ASIC2: variants seen among roughly 807,000 people sequenced by gnomAD.
The protein encoded by ASIC2 is acid-sensing ion channel 2.
Under a neutral mutation model 57.3 loss-of-function variants are expected in ASIC2, and 25 were observed. The observed-to-expected ratio is 0.44, with a 90% CI of 0.32 to 0.61. The LOEUF is 0.61. Ranked by LOEUF, ASIC2 falls within the 20% of genes least tolerant of loss-of-function variation. The probability of loss-of-function intolerance (pLI) is 0.06; values close to 1 mark genes in which losing one functional copy is unlikely to be tolerated. For synonymous variants in ASIC2, 319 were observed against 307.5 expected (o/e 1.04, Z -0.39); for missense variants, 641 against 738.1 (o/e 0.87, Z 1.52).
intron 1 of ASIC2, among the ~76,000 whole-genome samples, chr17:34,031,535 A>C (rs1907611552): frequency 6.6e-6 from 1 of 152,224 alleles, no homozygotes; most frequent in African/African-American, 2.4e-5. Flanking sequence ...GAGTTGAGAG[A>C]AGAAGGCTTC....
At chr17:33,283,322 C>T (rs931643891) in intron 1 of ASIC2, among the ~76,000 whole-genome samples, 5 of 151,340 alleles carry the variant, frequency 3.3e-5, no homozygotes, top group African/African-American at 9.8e-5. Flanking sequence ...TCTCTCAAAG[C>T]GAGTGTGGTT....
rs1358152199 is a variant in ASIC2 at position 33,883,029 on chromosome 17, T to C, written c.555+272949A>G. ...CAAGGACAAAAAATGAAACACCACA[T>C]GTTCTCACTCATAGGTGGGAACTGA... On this transcript the variant is annotated intron_variant, in intron 1 of 9. Transcript: ENST00000359872. 2.0e-5 allele frequency among the ~76,000 whole-genome samples: 3 copies of C among 152,070 alleles called. No individual in the cohort carries two copies. In the East Asian group the frequency reaches 5.8e-4, roughly 29 times the overall value.
intron 1 of ASIC2, among the ~76,000 whole-genome samples, chr17:33,634,049 C>T (rs1203405620): frequency 6.6e-6 from 1 of 152,198 alleles, no homozygotes; most frequent in African/African-American, 2.4e-5. Context: ...TGCTGCTAGA[C>T]CACAGCTTGA....
intron 1 of ASIC2, among the ~76,000 whole-genome samples, chr17:33,657,206 G>A (rs1009407811): frequency 9.9e-5 from 15 of 152,184 alleles, no homozygotes; most frequent in African/African-American, 3.6e-4. Flanking sequence ...ACACAACCCA[G>A]TCTACAAGAT....
intron 1 of ASIC2, among the ~76,000 whole-genome samples, chr17:33,602,738 T>C (rs535117010): frequency 1.3e-5 from 2 of 152,354 alleles, no homozygotes; most frequent in South Asian, 4.1e-4. Context: ...CTCTCCTGTC[T>C]CAGGACCTTT....
chr17:33,435,879 A>G (rs1485067173), intron 1 of ASIC2, among the ~76,000 whole-genome samples: 4 of 152,228 alleles, frequency 2.6e-5, no homozygotes, highest in African/African-American at 9.6e-5. Flanking sequence ...CTCTAGACCC[A>G]GCAGCCCATT....
At chr17:33,604,972 G>T (rs1030875966) in intron 1 of ASIC2, among the ~76,000 whole-genome samples, 2 of 151,958 alleles carry the variant, frequency 1.3e-5, no homozygotes, top group African/African-American at 4.8e-5. Flanking sequence ...GTCAGTGGTT[G>T]TTCTACTTCT....
intron 1 of ASIC2, among the ~76,000 whole-genome samples, chr17:33,278,187 A>T (rs553718717): frequency 3.4e-5 from 5 of 147,460 alleles, no homozygotes; most frequent in Admixed American, 1.4e-4. Flanking sequence ...TCCCTATCAG[A>T]TGCCCTTATT....
chr17:33,150,635 G>A (rs1250902446), intron 1 of ASIC2, among the ~76,000 whole-genome samples: 3 of 151,724 alleles, frequency 2.0e-5, no homozygotes, highest in Non-Finnish European at 4.4e-5. Context: ...GATCACTTGA[G>A]GTCAGGAGTT....
In ASIC2 at chr17:34,128,256, G is replaced by A. The variant is rs143068611; in HGVS notation, c.555+27722C>T. ...CAAAGTAGTCTTATCAAAGTGGCCC[G>A]TGGGATTCCACTCTGCCACACCTTG... On this transcript the variant is annotated intron_variant, in intron 1 of 9. Transcript: ENST00000359872. Among the ~76,000 whole-genome samples, 300 of 152,298 alleles carry A rather than the reference G, an allele frequency of 2.0e-3. 1 individual carries two copies. The highest frequency in any genetic ancestry group is 6.9e-3 in the African/African-American group (288 of 41,560).
At chr17:33,630,295 C>T (rs1399060491) in intron 1 of ASIC2, among the ~76,000 whole-genome samples, 1 of 152,076 alleles carries the variant, frequency 6.6e-6, no homozygotes, top group East Asian at 1.9e-4. Context: ...CAGACTATGC[C>T]GCTTCTGTAG....
At chr17:33,536,152 G>A (rs769848344) in intron 1 of ASIC2, among the ~76,000 whole-genome samples, 4 of 151,804 alleles carry the variant, frequency 2.6e-5, no homozygotes, top group South Asian at 2.1e-4. Flanking sequence ...CGGGAGTGAC[G>A]TTCATGTGCT....
At chr17:34,059,087 G>T (rs1908873606) in intron 1 of ASIC2, among the ~76,000 whole-genome samples, 2 of 152,290 alleles carry the variant, frequency 1.3e-5, no homozygotes, top group Middle Eastern at 3.4e-3. Flanking sequence ...TCAACTGCAA[G>T]AACAAACTAG....
chr17:33,629,978 C>A (rs1156858602), intron 1 of ASIC2, among the ~76,000 whole-genome samples: 1 of 152,160 alleles, frequency 6.6e-6, no homozygotes, highest in African/African-American at 2.4e-5. Context: ...GATACTTATT[C>A]ATTGAAGGTC....
chr17:33,658,519 C>T (rs1211371352), intron 1 of ASIC2, among the ~76,000 whole-genome samples: 2 of 152,198 alleles, frequency 1.3e-5, no homozygotes. Flanking sequence ...AAATTTAGTG[C>T]TCACAGTTCT....
At chr17:33,067,632 C>A (rs2092049217) in intron 3 of ASIC2, among the ~76,000 whole-genome samples, 3 of 152,142 alleles carry the variant, frequency 2.0e-5, no homozygotes, top group African/African-American at 4.8e-5. Flanking sequence ...AGGGAGCCAC[C>A]AAGGGTGTCT....
intron 1 of ASIC2, among the ~76,000 whole-genome samples, chr17:33,476,962 T>G: frequency 6.6e-6 from 1 of 152,214 alleles, no homozygotes; most frequent in Middle Eastern, 3.4e-3. Flanking sequence ...AAAACAGTAG[T>G]CCAAGAACAA....
intron 1 of ASIC2, among the ~76,000 whole-genome samples, chr17:33,370,396 C>A (rs993907127): frequency 1.3e-5 from 2 of 152,160 alleles, no homozygotes; most frequent in Non-Finnish European, 2.9e-5. Flanking sequence ...AACAAATTAG[C>A]CTAGAACATG....
intron 1 of ASIC2, among the ~76,000 whole-genome samples, chr17:34,123,284 C>T (rs1911681223): frequency 6.6e-6 from 1 of 152,208 alleles, no homozygotes; most frequent in Non-Finnish European, 1.5e-5. Context: ...CTGCTGAGAT[C>T]AAGCAGAGCT....
Sources: allele counts gnomAD v4.1 joint callset (sites outside exome capture counted in the v4.1 genomes callset), GRCh38; gene constraint gnomAD v4.1.1; transcripts MANE v1.5; gene names NCBI Gene and HGNC (gene_info 2026-07-23, HGNC 2026-07-21).